EYA3: variants seen among roughly 807,000 people sequenced by gnomAD.
EYA3 encodes protein phosphatase EYA3.
Under a neutral mutation model 80.0 loss-of-function variants are expected in EYA3, and 39 were observed. The observed-to-expected ratio is 0.49, with a 90% CI of 0.38 to 0.64. The LOEUF (loss-of-function observed/expected upper bound fraction) is 0.64. Among genes scored for constraint, EYA3 ranks in the 30% least tolerant of loss-of-function variants. The pLI, the probability that EYA3 is intolerant of heterozygous loss-of-function variation, is 0.00. For missense variants in EYA3, 523 were observed against 676.1 expected (o/e 0.77, Z 2.51); for synonymous variants, 206 against 232.8 (o/e 0.88, Z 1.05).
intron 13 of EYA3, 63 bp from the exon 14 acceptor site, chr1:27,993,623 T>C (rs1248365503): frequency 3.6e-5 from 51 of 1,424,464 alleles, no homozygotes; most frequent in Non-Finnish European, 4.3e-5. Flanking sequence ...GTTTGAGTGC[T>C]ATTTGGTTGG....
intron 13 of EYA3, 149 bp from the exon 14 acceptor site, chr1:27,993,709 T>C (rs1203605936): frequency 1.1e-5 from 6 of 569,104 alleles, no homozygotes; most frequent in Non-Finnish European, 1.7e-5. Context: ...AGAGTCTATC[T>C]TTCATTAGTT....
At chr1:28,078,248 G>C (rs1352238232) in intron 1 of EYA3, among the ~76,000 whole-genome samples, 1 of 152,154 alleles carries the variant, frequency 6.6e-6, no homozygotes, top group African/African-American at 2.4e-5. Flanking sequence ...TGGTTCCTAA[G>C]AGAGATTTTA....
intron 1 of EYA3, among the ~76,000 whole-genome samples, chr1:28,063,117 G>C (rs921324944): frequency 6.6e-6 from 1 of 151,522 alleles, no homozygotes; most frequent in Admixed American, 6.6e-5. Context: ...GTAAGGCAAA[G>C]TCTGATTTAT....
chr1:27,996,741 G>C (rs922085480), intron 13 of EYA3, among the ~76,000 whole-genome samples: 1 of 152,184 alleles, frequency 6.6e-6, no homozygotes, highest in South Asian at 2.1e-4. Context: ...AGATGTGACA[G>C]GTTTTTTTCT....
chr1:27,994,467 G>A (rs1222997497), intron 13 of EYA3, among the ~76,000 whole-genome samples: 2 of 151,988 alleles, frequency 1.3e-5, no homozygotes, highest in Non-Finnish European at 2.9e-5. Flanking sequence ...GGGAGGCCGA[G>A]GCGGGTGGAT....
At chr1:28,022,979 C>A (rs1032569513) in intron 7 of EYA3, among the ~76,000 whole-genome samples, 4 of 151,468 alleles carry the variant, frequency 2.6e-5, no homozygotes, top group African/African-American at 9.8e-5. Flanking sequence ...ATAAAAGGAA[C>A]CAGGATTCCT....
intron 1 of EYA3, among the ~76,000 whole-genome samples, chr1:28,079,212 C>G (rs1645333603): frequency 6.6e-6 from 1 of 152,206 alleles, no homozygotes; most frequent in Non-Finnish European, 1.5e-5. Context: ...TGTCTGCTGA[C>G]CCTGTTTCAC....
intron 16 of EYA3, among the ~76,000 whole-genome samples, chr1:27,984,302 G>A (rs998281369): frequency 6.6e-6 from 1 of 152,070 alleles, no homozygotes. Context: ...CCAAAGTGCT[G>A]GAATTAAAGG....
intron 1 of EYA3, among the ~76,000 whole-genome samples, chr1:28,065,375 C>T (rs1422986845): frequency 2.6e-5 from 4 of 152,022 alleles, no homozygotes; most frequent in South Asian, 4.1e-4. Context: ...TGGGTTCAAG[C>T]GATTCCCCTG....
chr1:28,001,055 ACT>A (rs1284662075), intron 11 of EYA3, among the ~76,000 whole-genome samples: 3 of 151,752 alleles, frequency 2.0e-5, no homozygotes, highest in Admixed American at 6.6e-5. Context: ...ACAGAGTGAG[ACT>A]CTGTCTCAAA....
intron 6 of EYA3, among the ~76,000 whole-genome samples, chr1:28,029,754 C>T (rs1246491101): frequency 1.3e-5 from 2 of 151,990 alleles, no homozygotes; most frequent in Non-Finnish European, 2.9e-5. Flanking sequence ...TACCACCATG[C>T]CTGGCTAATT....
intron 1 of EYA3, among the ~76,000 whole-genome samples, chr1:28,058,627 A>G (rs745425616): frequency 6.6e-6 from 1 of 152,236 alleles, no homozygotes; most frequent in African/African-American, 2.4e-5. Flanking sequence ...TCTGCATCTC[A>G]ATAATAAAAA....
chr1:27,988,646 C>A lies in EYA3; in HGVS notation c.1429G>T (p.Val477Leu). The A allele has an allele frequency of 6.2e-7, 1 of 1,613,890 alleles. No homozygotes were observed. The highest frequency in any genetic ancestry group is 8.5e-7 in the Non-Finnish European group (1 of 1,179,940). Residue 477 changes from valine to leucine, a missense_variant, in exon 16 of 18, where the codon GTG becomes TTG. Transcript: ENST00000373871. ...LLLIQSRKNC[V>L]NVLITTTQLV... ...TGGGTGGTAGTGATCAGAACATTCA[C>A]ACAATTCTTTCTATAAGGGAGTAAA...
At chr1:28,040,944 A>T (rs946783421) in intron 4 of EYA3, among the ~76,000 whole-genome samples, 2 of 152,200 alleles carry the variant, frequency 1.3e-5, no homozygotes, top group Non-Finnish European at 2.9e-5. Flanking sequence ...GACCGTGATG[A>T]CACACAAGTG....
At chr1:28,038,690 T>G in intron 5 of EYA3, 149 bp downstream of exon 5, 1 of 488,208 alleles carries the variant, frequency 2.0e-6, no homozygotes, top group East Asian at 3.2e-5. Flanking sequence ...TAGACTATAT[T>G]TAGAGGGAAT....
intron 3 of EYA3, among the ~76,000 whole-genome samples, chr1:28,047,127 CTGGCCAG>C (rs1198713844): frequency 6.6e-6 from 1 of 151,198 alleles, no homozygotes; most frequent in Non-Finnish European, 1.5e-5. Context: ...GCCACCACAC[CTGGCCAG>C]TTAAGTTCCT....
Position 28,035,383 on chromosome 1 carries a change from C to T in EYA3, c.361+161G>A, listed in dbSNP as rs545995491. ...AAATAGCTAAATGAGTACTGAAAAACTATGATTTTTTTATTACATGCATCA... is the reference window on the plus strand; with the variant it reads ...AAATAGCTAAATGAGTACTGAAAAATTATGATTTTTTTATTACATGCATCA... On this transcript the variant is annotated intron_variant, in intron 6 of 17. Coordinates refer to ENST00000373871, the MANE Select transcript of EYA3 (RefSeq NM_001990.4). Among the ~76,000 whole-genome samples, 4 of 152,138 alleles carry T rather than the reference C, an allele frequency of 2.6e-5. No individual in the cohort carries two copies. The East Asian group carries it at 5.8e-4, about 22-fold the overall frequency.
chr1:28,006,847 T>C (rs146824288), intron 10 of EYA3, among the ~76,000 whole-genome samples: 1 of 152,050 alleles, frequency 6.6e-6, no homozygotes, highest in African/African-American at 2.4e-5. Context: ...CTGGAAGTTC[T>C]AGCCAGAGAG....
intron 6 of EYA3, among the ~76,000 whole-genome samples, chr1:28,030,005 T>C (rs540923536): frequency 2.6e-5 from 4 of 152,138 alleles, no homozygotes; most frequent in Non-Finnish European, 5.9e-5. Context: ...ACCAAACACA[T>C]TCCATGTATG....
Sources: allele counts gnomAD v4.1 joint callset (sites outside exome capture counted in the v4.1 genomes callset), GRCh38; gene constraint gnomAD v4.1.1; transcripts MANE v1.5; gene names NCBI Gene and HGNC (gene_info 2026-07-23, HGNC 2026-07-21).